NR6A1: variants seen among roughly 807,000 people sequenced by gnomAD.
The protein encoded by NR6A1 is retinoic acid receptor-related testis-associated receptor.
Under a neutral mutation model 59.1 loss-of-function variants are expected in NR6A1, and 7 were observed. That is an observed-to-expected ratio of 0.12 (90% confidence interval 0.07 to 0.22). The LOEUF is 0.22. Among genes scored for constraint, NR6A1 ranks in the 10% least tolerant of loss-of-function variants. NR6A1 has a pLI of 1.00. For synonymous variants in NR6A1, 243 were observed against 236.1 expected (o/e 1.03, Z -0.27); for missense variants, 468 against 611.6 (o/e 0.77, Z 2.48).
intron 3 of NR6A1, among the ~76,000 whole-genome samples, chr9:124,552,783 C>T (rs1833814389): frequency 6.6e-6 from 1 of 152,018 alleles, no homozygotes. Flanking sequence ...TAAATAAGTG[C>T]TCAATATTAG....
chr9:124,540,666 G>T (rs139118578), intron 4 of NR6A1, among the ~76,000 whole-genome samples: 5 of 152,226 alleles, frequency 3.3e-5, no homozygotes, highest in African/African-American at 7.2e-5. Flanking sequence ...GGGCCTGGTG[G>T]TGCATGCCTG....
At chr9:124,627,321 AAAAC>A (rs967103608) in intron 2 of NR6A1, among the ~76,000 whole-genome samples, 3 of 152,166 alleles carry the variant, frequency 2.0e-5, no homozygotes, top group African/African-American at 4.8e-5. Context: ...CCCGCCTTAA[AAAAC>A]AAACAAACAG....
rs191623099 is a variant in NR6A1 at position 124,731,251 on chromosome 9, T to A, written c.142+2057A>T. Among the ~76,000 whole-genome samples the A allele has an allele frequency of 2.6e-5, 4 of 151,960 alleles. No individual in the cohort carries two copies. In the East Asian group the frequency reaches 5.8e-4, roughly 22 times the overall value. On this transcript the variant is annotated intron_variant, in intron 2 of 9. Coordinates refer to ENST00000487099, the MANE Select transcript of NR6A1 (RefSeq NM_033334.4). ...CAGCCATGGTTGCGCACGCCTGTAG[T>A]CCCAGCTACTCCGGAGGCTGATGCA...
chr9:124,770,647 C>T (rs1841114461), intron 1 of NR6A1, among the ~76,000 whole-genome samples: 1 of 108,432 alleles, frequency 9.2e-6, no homozygotes, highest in Admixed American at 9.8e-5. Context: ...GGGGAAGGTT[C>T]GGTGCTGGGA....
chr9:124,564,131 A>G (rs28549173), intron 2 of NR6A1, among the ~76,000 whole-genome samples: 2,770 of 152,304 alleles, frequency 0.018, 80 homozygotes, highest in African/African-American at 0.063. Flanking sequence ...ATAAAGCTAT[A>G]AATAGTGCTT....
intron 2 of NR6A1, among the ~76,000 whole-genome samples, chr9:124,647,738 A>AAAAG (rs1315786441): frequency 3.6e-4 from 42 of 117,620 alleles, no homozygotes; most frequent in Admixed American, 2.0e-3. Flanking sequence ...AAAAAAAAAA[A>AAAAG]AAAGAAAGAA....
intron 2 of NR6A1, among the ~76,000 whole-genome samples, chr9:124,606,390 CT>C (rs1471600736): frequency 6.6e-6 from 1 of 151,894 alleles, no homozygotes; most frequent in African/African-American, 2.4e-5. Flanking sequence ...TGATTCATTT[CT>C]GTATTCCTGG....
chr9:124,706,087 T>G (rs1839126797), intron 2 of NR6A1, among the ~76,000 whole-genome samples: 1 of 152,324 alleles, frequency 6.6e-6, no homozygotes, highest in African/African-American at 2.4e-5. Context: ...ATTTTATTTT[T>G]TTAAACTATA....
chr9:124,667,041 T>G (rs1234831526), intron 2 of NR6A1, among the ~76,000 whole-genome samples: 4 of 147,878 alleles, frequency 2.7e-5, no homozygotes, highest in Non-Finnish European at 4.5e-5. Context: ...CCACCCTACT[T>G]TTTTTTTTTT....
In NR6A1 at chr9:124,638,494, G is replaced by C. The variant is rs547075456; in HGVS notation, c.143-83924C>G. ...AGACAAGGTAGACAGAGTTCCCAAA[G>C]CAAAGACAGGAACAGAACAAGATTG... On this transcript the variant is annotated intron_variant, in intron 2 of 9. Transcript: ENST00000487099. 4.6e-5 allele frequency among the ~76,000 whole-genome samples: 7 copies of C among 152,236 alleles called. 1 individual carries two copies. The South Asian group carries it at 1.5e-3, about 32-fold the overall frequency.
rs148564083 is a variant in NR6A1 at position 124,747,775 on chromosome 9, T to C, written c.101-14426A>G. On this transcript the variant is annotated intron_variant, in intron 1 of 9. Coordinates refer to ENST00000487099, the MANE Select transcript of NR6A1 (RefSeq NM_033334.4). ...TTCCCAACAGTCCCCTCGAATAATATAGTCAATCACCAGGACATTTTCATT... is the reference window on the plus strand; with the variant it reads ...TTCCCAACAGTCCCCTCGAATAATACAGTCAATCACCAGGACATTTTCATT... 5.5e-3 allele frequency among the ~76,000 whole-genome samples: 844 copies of C among 152,214 alleles called. 7 individuals are homozygous for C. The highest frequency in any genetic ancestry group is 0.019 in the African/African-American group (800 of 41,522).
Position 124,527,525 on chromosome 9 carries a change from A to G in NR6A1, c.1080-625T>C, listed in dbSNP as rs539706471. ...CATCCTCTGTGCTGGGCACTTTGTG[A>G]GCATTATCACATTTAATTCTCTCAA... On this transcript the variant is annotated intron_variant, in intron 7 of 9. Coordinates refer to ENST00000487099, the MANE Select transcript of NR6A1 (RefSeq NM_033334.4). Among the ~76,000 whole-genome samples, 108 of 152,360 alleles carry G rather than the reference A, an allele frequency of 7.1e-4. 1 individual carries two copies. Among genetic ancestry groups the G allele is most frequent in the African/African-American group, 2.5e-3 (103 of 41,594 alleles).
intron 6 of NR6A1, 137 bp from the exon 7 acceptor site, chr9:124,536,269 C>G: frequency 1.0e-6 from 1 of 961,352 alleles, no homozygotes; most frequent in Non-Finnish European, 1.6e-6. Context: ...GTCTCCAGTT[C>G]CATTCAGTGT....
chr9:124,620,806 GT>G (rs1836047216), intron 2 of NR6A1, among the ~76,000 whole-genome samples: 1 of 138,150 alleles, frequency 7.2e-6, no homozygotes, highest in South Asian at 2.3e-4. Flanking sequence ...ATGTCTCATT[GT>G]TTAAAAAAAA....
chr9:124,561,209 G>A (rs777293044), intron 2 of NR6A1, among the ~76,000 whole-genome samples: 1 of 152,162 alleles, frequency 6.6e-6, no homozygotes, highest in Non-Finnish European at 1.5e-5. Flanking sequence ...GCCAAAGTGG[G>A]TGGATCACTT....
chr9:124,552,922 T>A (rs1293604625), intron 3 of NR6A1, among the ~76,000 whole-genome samples: 1 of 152,188 alleles, frequency 6.6e-6, no homozygotes, highest in East Asian at 1.9e-4. Flanking sequence ...CCAGTCTGAG[T>A]ATATCTGGAT....
At chr9:124,588,792 C>T (rs369596673) in intron 2 of NR6A1, among the ~76,000 whole-genome samples, 22 of 150,002 alleles carry the variant, frequency 1.5e-4, no homozygotes, top group Non-Finnish European at 2.5e-4. Context: ...TGGTGGAGGG[C>T]GCCTGTAGTC....
Position 124,540,013 on chromosome 9 carries a change from G to T in NR6A1, c.596+20C>A. 1 of 1,557,270 alleles carries T rather than the reference G, an allele frequency of 6.4e-7. No individual in the cohort carries two copies. On this transcript the variant is annotated intron_variant, in intron 5 of 9. Coordinates refer to ENST00000487099, the MANE Select transcript of NR6A1 (RefSeq NM_033334.4). The stretch of plus-strand genomic sequence containing the variant: ...TGGGGGATCCCTAGATGATGACCAT[G>T]GGTTTGCCTTAAAGCTCACCTGGAA...
chr9:124,549,468 C>T (rs1446042239), intron 3 of NR6A1, among the ~76,000 whole-genome samples: 2 of 152,148 alleles, frequency 1.3e-5, no homozygotes, highest in African/African-American at 2.4e-5. Flanking sequence ...ATGGGGGATA[C>T]TAGTGCAGTA....
Sources: gnomAD v4.1 joint callset for allele counts (sites outside exome capture counted in the v4.1 genomes callset) on GRCh38, gnomAD v4.1.1 for gene constraint, MANE v1.5 for transcripts, NCBI Gene and HGNC (gene_info 2026-07-23, HGNC 2026-07-21) for gene names.